STPG4: variants seen among roughly 807,000 people sequenced by gnomAD.
STPG4 encodes protein STPG4.
Under a neutral mutation model 31.5 loss-of-function variants are expected in STPG4, and 41 were observed. The ratio of observed to expected loss-of-function variants is 1.30; its 90% CI spans 1.01 to 1.69. The LOEUF (loss-of-function observed/expected upper bound fraction) is 1.69. Among genes scored for constraint, STPG4 ranks in the 40% most tolerant of loss-of-function variants. The probability of loss-of-function intolerance (pLI) is 0.00; values close to 1 mark genes in which losing one functional copy is unlikely to be tolerated. For synonymous variants in STPG4, 141 were observed against 103.0 expected (o/e 1.37, Z -2.24); for missense variants, 375 against 293.4 (o/e 1.28, Z -2.03).
chr2:47,097,039 A>T (rs1685685360), intron 5 of STPG4, among the ~76,000 whole-genome samples: 1 of 152,112 alleles, frequency 6.6e-6, no homozygotes, highest in East Asian at 1.9e-4. Context: ...GATAGGGAGG[A>T]CACAGGTGGA....
In STPG4 at chr2:47,133,173, C is replaced by CT. The variant is rs70940658; in HGVS notation, c.400-2914dup. On this transcript the variant is annotated intron_variant, in intron 3 of 6. Coordinates refer to ENST00000445927, the MANE Select transcript of STPG4 (RefSeq NM_001163561.2). ...TAACTCCAACATATGCTTCTCAGTTCTTTTTTTTTTTTGAGACAGGGCCTT... is the reference window on the plus strand; with the variant it reads ...TAACTCCAACATATGCTTCTCAGTTCTTTTTTTTTTTTTGAGACAGGGCCTT... Among the ~76,000 whole-genome samples the CT allele has an allele frequency of 1.7e-3, 243 of 144,766 alleles. 1 individual carries two copies. Among genetic ancestry groups the CT allele is most frequent in the African/African-American group, 2.1e-3 (82 of 39,832 alleles). The allele number at this position is 144,766 out of a possible 152,430, so 95.0% of individuals were successfully genotyped here.
At chr2:47,126,293 T>A (rs1235854866) in intron 5 of STPG4, among the ~76,000 whole-genome samples, 1 of 151,820 alleles carries the variant, frequency 6.6e-6, no homozygotes, top group African/African-American at 2.4e-5. Context: ...TTCCTCCTCT[T>A]CCTCTTCTTC....
At chr2:47,104,393 T>C (rs71423939) in intron 5 of STPG4, among the ~76,000 whole-genome samples, 8,367 of 152,076 alleles carry the variant, frequency 0.055, 426 homozygotes, top group African/African-American at 0.11. Context: ...CAGTGGAGAC[T>C]AGTGCAAGAT....
chr2:47,151,364 T>G lies in STPG4; in HGVS notation c.293A>C (p.Gln98Pro), dbSNP rs781616510. The change falls in exon 3 of 7, where the codon CAG becomes CCG. Residue 98 changes from glutamine (Q) to proline (P), a missense_variant. Transcript: ENST00000445927. ...RNNPVLNDLP[Q>P]YMPPDFLDLL... ...GTCCAGGAAGTCAGGAGGCATATAC[T>G]GCGGAAGATCATTTAGGACTGGATT... The G allele has an allele frequency of 3.1e-6, 5 of 1,614,060 alleles. No individual in the cohort carries two copies. Among genetic ancestry groups the G allele is most frequent in the South Asian group, 1.1e-5 (1 of 91,082 alleles).
At chr2:47,135,808 C>T (rs1686585104) in intron 3 of STPG4, among the ~76,000 whole-genome samples, 1 of 152,126 alleles carries the variant, frequency 6.6e-6, no homozygotes, top group South Asian at 2.1e-4. Context: ...TTTTGTGTGT[C>T]TATTTCTGTA....
intron 5 of STPG4, among the ~76,000 whole-genome samples, chr2:47,096,784 G>A (rs1253332434): frequency 6.6e-6 from 1 of 152,202 alleles, no homozygotes; most frequent in African/African-American, 2.4e-5. Context: ...TGACTTCAGG[G>A]TGCCTACAAT....
chr2:47,135,235 T>A (rs7584243), intron 3 of STPG4, among the ~76,000 whole-genome samples: 1 of 152,086 alleles, frequency 6.6e-6, no homozygotes, highest in Non-Finnish European at 1.5e-5. Context: ...TGGATCATGC[T>A]TTTGGTGTAG....
At chr2:47,120,384 C>G (rs546186922) in intron 5 of STPG4, among the ~76,000 whole-genome samples, 61 of 151,990 alleles carry the variant, frequency 4.0e-4, no homozygotes, top group Non-Finnish European at 7.1e-4. Context: ...AGAATGTTAG[C>G]TCTGGCTTGT....
intron 5 of STPG4, among the ~76,000 whole-genome samples, chr2:47,127,939 T>G (rs1573181291): frequency 1.3e-5 from 2 of 152,182 alleles, no homozygotes; most frequent in Admixed American, 1.3e-4. Context: ...GTGTTTATTG[T>G]AGTCTTTGCA....
chr2:47,143,272 T>C lies in STPG4; in HGVS notation c.399+7986A>G, dbSNP rs1686753075. 2.0e-5 allele frequency among the ~76,000 whole-genome samples: 3 copies of C among 152,352 alleles called. 1 individual carries two copies. The highest frequency in any genetic ancestry group is 7.2e-5 in the African/African-American group (3 of 41,584). ...TCCAAAATATTTGCACCAGTTTGTA[T>C]TCATATAAACAACGTGTGAGAGTAT... On this transcript the variant is annotated intron_variant, in intron 3 of 6. Transcript: ENST00000445927.
At chr2:47,127,252 CTTTTTTTT>C (rs57475505) in intron 5 of STPG4, among the ~76,000 whole-genome samples, 11 of 57,468 alleles carry the variant, frequency 1.9e-4, no homozygotes, top group African/African-American at 8.3e-4. Flanking sequence ...CAAGCTAATT[CTTTTTTTT>C]TTTTTTTTTT....
intron 3 of STPG4, among the ~76,000 whole-genome samples, chr2:47,133,269 C>T (rs963133436): frequency 6.6e-6 from 1 of 151,904 alleles, no homozygotes; most frequent in African/African-American, 2.4e-5. Flanking sequence ...CAGGCTCAAG[C>T]GATCCTCCTG....
At chr2:47,109,183 G>C (rs1222932243) in intron 5 of STPG4, among the ~76,000 whole-genome samples, 2 of 152,206 alleles carry the variant, frequency 1.3e-5, no homozygotes, top group African/African-American at 4.8e-5. Context: ...TACATGACTC[G>C]GCTGATGTTA....
chr2:47,118,141 G>A (rs1254318036), intron 5 of STPG4, among the ~76,000 whole-genome samples: 1 of 152,104 alleles, frequency 6.6e-6, no homozygotes, highest in Non-Finnish European at 1.5e-5. Flanking sequence ...AGGCTTCATA[G>A]GAGGAGGTGA....
intron 5 of STPG4, among the ~76,000 whole-genome samples, chr2:47,118,457 A>G (rs1354218378): frequency 6.6e-6 from 1 of 152,204 alleles, no homozygotes; most frequent in African/African-American, 2.4e-5. Context: ...ATTTCATTAT[A>G]TATTACAATG....
intron 5 of STPG4, chr2:47,108,920 C>CCTAG (rs968682203): frequency 3.9e-5 from 6 of 152,382 alleles, no homozygotes; most frequent in Admixed American, 3.9e-4. Context: ...AGCCATTTTG[C>CCTAG]CTAGCCCAAG....
Position 47,090,282 on chromosome 2 carries a change from C to G in STPG4, c.612G>C (p.Leu204Phe), listed in dbSNP as rs1201149784. 4 of 1,550,888 alleles carry G rather than the reference C, an allele frequency of 2.6e-6. No individual in the cohort carries two copies. Among genetic ancestry groups the G allele is most frequent in the Non-Finnish European group, 2.6e-6 (3 of 1,146,344 alleles). ...SCFQSRVPRF[L>F]PSCSKTPGPG... ...TCCGAATACTTACTGAACAGCTGGG[C>G]AAGAATCGAGGGACTCTGGATTGAA... The change falls in exon 6 of 7, where the codon TTG (leucine) becomes TTC (phenylalanine). Residue 204 changes from leucine (L) to phenylalanine (F), a missense_variant. By Grantham distance (22) the Leu-to-Phe change is conservative. Coordinates refer to ENST00000445927, the MANE Select transcript of STPG4 (RefSeq NM_001163561.2).
At chr2:47,088,111 A>T (rs1685497597) in intron 6 of STPG4, among the ~76,000 whole-genome samples, 1 of 149,850 alleles carries the variant, frequency 6.7e-6, no homozygotes, top group Non-Finnish European at 1.5e-5. Flanking sequence ...ATACGGTCTC[A>T]CTCTGTCATC....
In STPG4 at chr2:47,097,752, C is replaced by G. The variant is rs544191468; in HGVS notation, c.520-7378G>C. Among the ~76,000 whole-genome samples, 15 of 152,214 alleles carry G rather than the reference C, an allele frequency of 9.9e-5. No homozygotes were observed. In the South Asian group the frequency reaches 3.1e-3, roughly 32 times the overall value. ...AGTCTAAGGTATTTTGTTACAGCAGCAGGAATGGACTAAGTGGACCAAGAA... is the reference window on the plus strand; with the variant it reads ...AGTCTAAGGTATTTTGTTACAGCAGGAGGAATGGACTAAGTGGACCAAGAA... On this transcript the variant is annotated intron_variant, in intron 5 of 6. Coordinates refer to ENST00000445927, the MANE Select transcript of STPG4 (RefSeq NM_001163561.2).
Sources: gnomAD v4.1 joint callset for allele counts (sites outside exome capture counted in the v4.1 genomes callset) on GRCh38, gnomAD v4.1.1 for gene constraint, MANE v1.5 for transcripts, NCBI Gene and HGNC (gene_info 2026-07-23, HGNC 2026-07-21) for gene names.